Variants in MAML2 observed in about 807,000 individuals in gnomAD.
MAML2 encodes the protein mastermind-like protein 2.
A neutral mutation model predicts 96.1 loss-of-function variants in MAML2; 22 were observed. The observed-to-expected ratio is 0.23, with a 90% CI of 0.16 to 0.33. The LOEUF is 0.33. Ranked by LOEUF, MAML2 falls within the 10% of genes least tolerant of loss-of-function variation. The probability of loss-of-function intolerance (pLI) is 1.00; values close to 1 mark genes in which losing one functional copy is unlikely to be tolerated. For synonymous variants in MAML2, 561 were observed against 521.3 expected (o/e 1.08, Z -1.04); for missense variants, 1,367 against 1,392.4 (o/e 0.98, Z 0.29).
chr11:96,164,831 G>A (rs1262086538), intron 1 of MAML2, among the ~76,000 whole-genome samples: 1 of 152,110 alleles, frequency 6.6e-6, no homozygotes, highest in African/African-American at 2.4e-5. Flanking sequence ...CTGCTTCAAG[G>A]GCAATGAGCC....
At chr11:96,020,301 C>T (rs751485947) in intron 2 of MAML2, among the ~76,000 whole-genome samples, 3 of 152,168 alleles carry the variant, frequency 2.0e-5, no homozygotes, top group African/African-American at 2.4e-5. Context: ...TCTCTTCTGC[C>T]CAGGACTCTA....
chr11:96,272,968 G>A (rs2135980794), intron 1 of MAML2, among the ~76,000 whole-genome samples: 1 of 152,318 alleles, frequency 6.6e-6, no homozygotes, highest in Admixed American at 6.5e-5. Context: ...TTGTAAGGCT[G>A]AGACTATTTC....
intron 1 of MAML2, among the ~76,000 whole-genome samples, chr11:96,300,860 C>G (rs1222728563): frequency 6.6e-6 from 1 of 152,116 alleles, no homozygotes; most frequent in Non-Finnish European, 1.5e-5. Flanking sequence ...AAAGCACAAA[C>G]TTTGGAATTA....
intron 1 of MAML2, among the ~76,000 whole-genome samples, chr11:96,176,507 C>T (rs1350968162): frequency 6.6e-6 from 1 of 152,138 alleles, no homozygotes; most frequent in Admixed American, 6.5e-5. Context: ...TGCGGTGCTG[C>T]TGATGGTCAG....
intron 1 of MAML2, among the ~76,000 whole-genome samples, chr11:96,299,579 G>C (rs1863358237): frequency 6.6e-6 from 1 of 152,128 alleles, no homozygotes. Context: ...AAGCTCTTAA[G>C]GAAGAAGTTC....
chr11:96,009,609 C>T (rs180911163), intron 2 of MAML2, among the ~76,000 whole-genome samples: 8 of 152,294 alleles, frequency 5.3e-5, no homozygotes, highest in African/African-American at 1.9e-4. Context: ...TACTACTCTA[C>T]TGCACTGCTC....
intron 2 of MAML2, among the ~76,000 whole-genome samples, chr11:96,073,240 T>C (rs1859375017): frequency 6.6e-6 from 1 of 152,202 alleles, no homozygotes; most frequent in Admixed American, 6.5e-5. Flanking sequence ...TTGTTTGGCA[T>C]TTACAGTCTC....
chr11:96,265,579 T>C (rs1471006921), intron 1 of MAML2, among the ~76,000 whole-genome samples: 2 of 152,042 alleles, frequency 1.3e-5, no homozygotes, highest in African/African-American at 2.4e-5. Flanking sequence ...AAATGCTACA[T>C]TTCCCAAGAC....
rs528345725 is a variant in MAML2 at position 96,193,354 on chromosome 11, G to T, written c.514-99837C>A. On this transcript the variant is annotated intron_variant, in intron 1 of 4. Transcript: ENST00000524717. ...ATTGCACTCCAGCCTGGGCGACAGG[G>T]CGAGACTCCATTTCAACAACAACAA... 9.9e-4 allele frequency among the ~76,000 whole-genome samples: 151 copies of T among 152,268 alleles called. 1 individual carries two copies. Among genetic ancestry groups the T allele is most frequent in the African/African-American group, 3.4e-3 (143 of 41,536 alleles).
intron 1 of MAML2, among the ~76,000 whole-genome samples, chr11:96,149,042 C>T (rs1462240020): frequency 6.6e-6 from 1 of 152,168 alleles, no homozygotes; most frequent in Non-Finnish European, 1.5e-5. Flanking sequence ...CAGTAGCCCT[C>T]TGTGACGAAC....
intron 1 of MAML2, among the ~76,000 whole-genome samples, chr11:96,160,409 C>A (rs1834377234): frequency 6.7e-6 from 1 of 149,260 alleles, no homozygotes; most frequent in Admixed American, 6.9e-5. Context: ...ATAGGTTGAC[C>A]GAAGTCTCAG....
intron 2 of MAML2, among the ~76,000 whole-genome samples, chr11:96,035,841 A>G (rs971908048): frequency 6.6e-6 from 1 of 152,156 alleles, no homozygotes; most frequent in Non-Finnish European, 1.5e-5. Flanking sequence ...TCAAAATCAA[A>G]AGGCCTCCAT....
At chr11:95,983,680 C>T (rs1251190037) in intron 4 of MAML2, among the ~76,000 whole-genome samples, 1 of 151,632 alleles carries the variant, frequency 6.6e-6, no homozygotes, top group Non-Finnish European at 1.5e-5. Flanking sequence ...TATATATGAA[C>T]AATTATATGT....
intron 1 of MAML2, among the ~76,000 whole-genome samples, chr11:96,181,869 C>T (rs1214023411): frequency 6.6e-6 from 1 of 152,206 alleles, no homozygotes; most frequent in Non-Finnish European, 1.5e-5. Context: ...TGTCCTCAGC[C>T]ATTTTTTTCT....
chr11:96,184,014 G>T (rs911158858), intron 1 of MAML2, among the ~76,000 whole-genome samples: 1 of 152,182 alleles, frequency 6.6e-6, no homozygotes, highest in African/African-American at 2.4e-5. Flanking sequence ...GAGGCCAAAA[G>T]TTTGCATTTG....
At chr11:96,218,942 C>T (rs1213462907) in intron 1 of MAML2, among the ~76,000 whole-genome samples, 1 of 152,098 alleles carries the variant, frequency 6.6e-6, no homozygotes, top group East Asian at 1.9e-4. Context: ...TATCTGGGGG[C>T]ACTTGAATTA....
intron 2 of MAML2, among the ~76,000 whole-genome samples, chr11:96,084,820 G>C (rs1486723408): frequency 2.0e-5 from 3 of 152,192 alleles, no homozygotes; most frequent in Admixed American, 6.5e-5. Context: ...GCAGGACCCA[G>C]TAAGCTCCCT....
At chr11:96,002,460 T>A (rs1858093684) in intron 2 of MAML2, among the ~76,000 whole-genome samples, 1 of 152,128 alleles carries the variant, frequency 6.6e-6, no homozygotes, top group South Asian at 2.1e-4. Context: ...GCAAATAGAA[T>A]GTCTTAGGAA....
In MAML2 at chr11:96,170,754, G is replaced by A. The variant is rs182387168; in HGVS notation, c.514-77237C>T. Among the ~76,000 whole-genome samples the A allele has an allele frequency of 1.8e-3, 277 of 152,118 alleles. 1 individual carries two copies. The highest frequency in any genetic ancestry group is 5.8e-3 in the African/African-American group (241 of 41,500). ...TTTTGAGATGGAGTCTTGCTCTGTC[G>A]CCCAGGCTGGAGTGCAGTGGCGTGA... On this transcript the variant is annotated intron_variant, in intron 1 of 4. Coordinates refer to ENST00000524717, the MANE Select transcript of MAML2 (RefSeq NM_032427.4).
Sources: gnomAD v4.1 joint callset for allele counts (sites outside exome capture counted in the v4.1 genomes callset) on GRCh38, gnomAD v4.1.1 for gene constraint, MANE v1.5 for transcripts, NCBI Gene and HGNC (gene_info 2026-07-23, HGNC 2026-07-21) for gene names.